The following PARN variants were observed in gnomAD, a reference collection of about 807,000 sequenced individuals.
PARN encodes the protein poly(A)-specific ribonuclease PARN.
A neutral mutation model predicts 102.8 loss-of-function variants in PARN; 71 were observed. The observed-to-expected ratio is 0.69, with a 90% CI of 0.57 to 0.84. The LOEUF is 0.84. Among genes scored for constraint, PARN ranks in the 40% least tolerant of loss-of-function variants. The pLI, the probability that PARN is intolerant of heterozygous loss-of-function variation, is 0.00. For synonymous variants in PARN, 261 were observed against 252.9 expected, an observed-to-expected ratio of 1.03 and a Z score of -0.30; for missense variants, 782 against 760.9, an observed-to-expected ratio of 1.03 and a Z score of -0.33.
chr16:14,573,370 T>C (rs939056943), intron 18 of PARN, among the ~76,000 whole-genome samples: 2 of 152,184 alleles, frequency 1.3e-5, no homozygotes, highest in Non-Finnish European at 2.9e-5. Context: ...AATACACTGT[T>C]AGTAACTACA....
intron 18 of PARN, 89 bp downstream of exon 18, chr16:14,580,785 A>T: frequency 2.8e-6 from 2 of 709,462 alleles, no homozygotes; most frequent in Non-Finnish European, 5.0e-6. Context: ...AATGTGTTAT[A>T]GCTCCCAATA....
rs765070513 is a variant in PARN, at chr16:14,582,202, T to A, written c.1171A>T (p.Ile391Phe). 1 of 1,610,306 alleles carries A rather than the reference T, an allele frequency of 6.2e-7. No individual in the cohort carries two copies. The highest frequency in any genetic ancestry group is 1.7e-5 in the Admixed American group (1 of 59,984). The change falls in exon 17 of 24, where the codon ATC becomes TTC. Residue 391 changes from isoleucine (I) to phenylalanine (F), a missense_variant. By Grantham distance (21) the Ile-to-Phe change is conservative (BLOSUM62 0). Coordinates refer to ENST00000437198, the MANE Select transcript of PARN (RefSeq NM_002582.4). ...GTACCTAGGTAATTGGCCATGGAGA[T>A]GAAGCACAGCCCTGTGATGTAGGCA... is the stretch of plus-strand genomic sequence containing the variant. ...YDAYITGLCF[I>F]SMANYLGSFL...
At chr16:14,479,375 C>G (rs548640741) in intron 22 of PARN, among the ~76,000 whole-genome samples, 1 of 151,728 alleles carries the variant, frequency 6.6e-6, no homozygotes, top group East Asian at 1.9e-4. Flanking sequence ...GAGCTGTGAT[C>G]ATGCTACTGT....
chr16:14,489,851 C>T (rs1034460361), intron 21 of PARN, among the ~76,000 whole-genome samples: 2 of 152,226 alleles, frequency 1.3e-5, no homozygotes, highest in African/African-American at 4.8e-5. Context: ...AGGGAATTGC[C>T]TATATTCGTA....
chr16:14,555,593 A>G, intron 19 of PARN, 61 bp downstream of exon 19: 2 of 725,812 alleles, frequency 2.8e-6, no homozygotes, highest in South Asian at 2.3e-5. Context: ...TTTTCCTGTT[A>G]TCCCTTCCAG....
chr16:14,580,083 TAA>T (rs1969424233), intron 18 of PARN, among the ~76,000 whole-genome samples: 1 of 151,494 alleles, frequency 6.6e-6, no homozygotes, highest in Non-Finnish European at 1.5e-5. Context: ...CCCCAAAAAA[TAA>T]AAGAGCTAAG....
intron 21 of PARN, among the ~76,000 whole-genome samples, chr16:14,540,813 T>A (rs1259917453): frequency 6.6e-6 from 1 of 151,854 alleles, no homozygotes; most frequent in Non-Finnish European, 1.5e-5. Context: ...TAGCTGGGCA[T>A]GGTGGTGTAC....
rs774170618 is a variant in PARN, at chr16:14,604,184, G to A, written c.745C>T (p.Arg249Cys). The change falls in exon 11 of 24, where the codon CGC (arginine) becomes TGC (cysteine). Residue 249 changes from arginine to cysteine, a missense_variant. By Grantham distance (180) the Arg-to-Cys change is radical (BLOSUM62 -3). Coordinates refer to ENST00000437198, the MANE Select transcript of PARN (RefSeq NM_002582.4). ...IVISKVDEEERKRREQQKHAK... is the reference protein window; with the variant it reads ...IVISKVDEEECKRREQQKHAK... ...TGTTTCTGCTGCTCTCTTCTTTTGC[G>A]TTCTTCTTCATCTACTTTGCTGATA... The A allele has an allele frequency of 5.1e-5, 82 of 1,601,198 alleles. No individual in the cohort carries two copies. Among genetic ancestry groups the A allele is most frequent in the East Asian group, 3.1e-4 (14 of 44,768 alleles).
chr16:14,485,048 C>T (rs567940499), intron 21 of PARN, among the ~76,000 whole-genome samples: 3 of 152,242 alleles, frequency 2.0e-5, no homozygotes, highest in Non-Finnish European at 2.9e-5. Flanking sequence ...TGTGAGACCC[C>T]CGTCTCTAAA....
At chr16:14,508,169 T>TAGGC (rs141732478) in intron 21 of PARN, among the ~76,000 whole-genome samples, 9 of 151,796 alleles carry the variant, frequency 5.9e-5, no homozygotes, top group South Asian at 2.1e-4. Flanking sequence ...ACAAATAACA[T>TAGGC]AGGCAGGCAG....
chr16:14,562,490 T>C (rs1163652525), intron 18 of PARN, among the ~76,000 whole-genome samples: 3 of 138,974 alleles, frequency 2.2e-5, no homozygotes, highest in Non-Finnish European at 4.7e-5. Context: ...AACTATTAAA[T>C]ACCAAGGACT....
chr16:14,442,527 C>T (rs932014460), intron 23 of PARN, among the ~76,000 whole-genome samples: 2 of 152,158 alleles, frequency 1.3e-5, no homozygotes, highest in African/African-American at 4.8e-5. Flanking sequence ...AAAATATTTG[C>T]TGAGTACATA....
At chr16:14,467,480 G>A (rs1193222779) in intron 22 of PARN, among the ~76,000 whole-genome samples, 2 of 152,184 alleles carry the variant, frequency 1.3e-5, no homozygotes, top group Admixed American at 6.5e-5. Flanking sequence ...AATTTACGAA[G>A]ATGAACCAAT....
chr16:14,547,342 G>A (rs1240180284), intron 21 of PARN, among the ~76,000 whole-genome samples: 1 of 152,074 alleles, frequency 6.6e-6, no homozygotes, highest in Non-Finnish European at 1.5e-5. Context: ...GAAACCGAAT[G>A]GCACTCAGTA....
At chr16:14,563,476 TTG>T (rs56099416) in intron 18 of PARN, among the ~76,000 whole-genome samples, 20,481 of 143,562 alleles carry the variant, frequency 0.14, 1,772 homozygotes, top group Middle Eastern at 0.22. Context: ...GAAAATTCCT[TTG>T]TGTGTGTGTG....
intron 22 of PARN, 84 bp downstream of exon 22, chr16:14,482,554 T>TA: frequency 9.4e-7 from 1 of 1,059,602 alleles, no homozygotes; most frequent in Non-Finnish European, 1.4e-6. Context: ...AAGTCAGATT[T>TA]AGTACTTACA....
At chr16:14,538,853 C>A (rs1339748083) in intron 21 of PARN, among the ~76,000 whole-genome samples, 1 of 152,118 alleles carries the variant, frequency 6.6e-6, no homozygotes, top group Non-Finnish European at 1.5e-5. Context: ...CACGTCCTGT[C>A]AGATCAGTGG....
chr16:14,509,764 A>G (rs1965085429), intron 21 of PARN, among the ~76,000 whole-genome samples: 1 of 152,198 alleles, frequency 6.6e-6, no homozygotes, highest in South Asian at 2.1e-4. Context: ...GTACATCCTC[A>G]ACCCCTGGAA....
At chr16:14,438,695 C>A (rs375119916) in intron 23 of PARN, among the ~76,000 whole-genome samples, 1 of 152,182 alleles carries the variant, frequency 6.6e-6, no homozygotes, top group African/African-American at 2.4e-5. Context: ...AACGCTAGGT[C>A]TCTTCCCCTA....
Sources: gnomAD v4.1 joint callset for allele counts (sites outside exome capture counted in the v4.1 genomes callset) on GRCh38, gnomAD v4.1.1 for gene constraint, MANE v1.5 for transcripts, NCBI Gene and HGNC (gene_info 2026-07-23, HGNC 2026-07-21) for gene names.